The following PTGFRN variants were observed in gnomAD, a reference collection of about 807,000 sequenced individuals.
PTGFRN encodes prostaglandin F2 receptor inhibitor.
Under a neutral mutation model 83.2 loss-of-function variants are expected in PTGFRN, and 35 were observed. That is an observed-to-expected ratio of 0.42 (90% CI 0.32 to 0.56). The LOEUF is 0.56. PTGFRN is among the 20% of genes least tolerant of loss of function. The pLI is 0.11. For missense variants in PTGFRN, 1,051 were observed against 1,179.5 expected, an observed-to-expected ratio of 0.89 and a Z score of 1.60; for synonymous variants, 519 against 498.6, an observed-to-expected ratio of 1.04 and a Z score of -0.55.
intron 4 of PTGFRN, among the ~76,000 whole-genome samples, chr1:116,951,438 AG>A (rs1241757067): frequency 6.6e-6 from 1 of 152,248 alleles, no homozygotes; most frequent in Non-Finnish European, 1.5e-5. Context: ...TAACAGATAC[AG>A]AACCTGCACC....
chr1:116,929,370 A>G (rs1164781849), intron 1 of PTGFRN, among the ~76,000 whole-genome samples: 1 of 152,102 alleles, frequency 6.6e-6, no homozygotes, highest in African/African-American at 2.4e-5. Flanking sequence ...GCCCCATATA[A>G]TCTGTCTTTC....
In PTGFRN at chr1:116,989,114, C is replaced by T. The variant is rs949585477; in HGVS notation, c.*2147C>T. 2.6e-5 allele frequency: 4 copies of T among 152,192 alleles called. No individual in the cohort carries two copies. Among genetic ancestry groups the T allele is most frequent in the African/African-American group, 9.6e-5 (4 of 41,452 alleles). 9.4% of individuals were successfully genotyped at this position (152,192 alleles called of 1,614,324 possible). A position where few individuals can be genotyped will look rare whatever the true frequency, so the allele number is the denominator to read the frequency against. On this transcript the variant is annotated 3_prime_UTR_variant, in exon 9 of 9. Transcript: ENST00000393203. ...CCCTTCTTAGTAGGAAGAAAGGGTG[C>T]TTAGCTTTGGACCTGACCGGGTGTG...
At chr1:116,911,321 C>T (rs2491116) in intron 1 of PTGFRN, among the ~76,000 whole-genome samples, 8,502 of 152,186 alleles carry the variant, frequency 0.056, 740 homozygotes, top group African/African-American at 0.19. Context: ...GTGCGGTGTC[C>T]GTGCCATTCA....
chr1:116,974,446 T>C (rs1203556749), intron 7 of PTGFRN, 123 bp downstream of exon 7: 1 of 730,762 alleles, frequency 1.4e-6, no homozygotes, highest in Non-Finnish European at 2.3e-6. Context: ...CCTAACTGCC[T>C]GGCCCAGTAC....
chr1:116,986,198 T>C (rs998111383), intron 8 of PTGFRN, among the ~76,000 whole-genome samples: 8 of 152,102 alleles, frequency 5.3e-5, no homozygotes, highest in Non-Finnish European at 1.0e-4. Flanking sequence ...TGGGTACTTA[T>C]GGGGAAAGGA....
chr1:116,967,402 T>G, intron 6 of PTGFRN, 72 bp downstream of exon 6: 1 of 1,453,810 alleles, frequency 6.9e-7, no homozygotes, highest in Non-Finnish European at 9.3e-7. Flanking sequence ...GATGCCCTCA[T>G]TTTTTAAAAC....
chr1:116,945,617 T>C (rs1650177392), intron 3 of PTGFRN, among the ~76,000 whole-genome samples: 1 of 152,160 alleles, frequency 6.6e-6, no homozygotes, highest in Non-Finnish European at 1.5e-5. Context: ...AGATGTGCTT[T>C]TCCTGGAAGG....
chr1:116,973,016 C>T (rs1376278837), intron 6 of PTGFRN, among the ~76,000 whole-genome samples: 1 of 151,956 alleles, frequency 6.6e-6, no homozygotes, highest in African/African-American at 2.4e-5. Context: ...CCCAACTTCC[C>T]AGGCTCAAGC....
rs1301922589 is a variant in PTGFRN at position 116,961,972 on chromosome 1, C to T, written c.1639+304C>T. Among the ~76,000 whole-genome samples, 1 of 152,172 alleles carries T rather than the reference C, an allele frequency of 6.6e-6. No homozygotes were observed. The highest frequency in any genetic ancestry group is 1.5e-5 in the Non-Finnish European group (1 of 68,042). ...GCATTAAACATGGTGACTCTGAGGA[C>T]ACTCTTTCCCCTGGAGAAACCGTTA... On this transcript the variant is annotated intron_variant, in intron 5 of 8. Transcript: ENST00000393203. The surrounding 1 kb of genome is among the most constrained non-coding windows in gnomAD (Gnocchi z 5.4).
chr1:116,986,975 C>T lies in PTGFRN; in HGVS notation c.*8C>T, dbSNP rs373026059. 4.4e-5 allele frequency: 71 copies of T among 1,613,848 alleles called. No homozygotes were observed. Among genetic ancestry groups the T allele is most frequent in the Middle Eastern group, 1.6e-4 (1 of 6,084 alleles). On this transcript the variant is annotated 3_prime_UTR_variant, in exon 9 of 9. Transcript: ENST00000393203. Reference sequence around the variant, plus strand: ...TCGATGGAGATGGACTAGGCTGGCCCGGGAGGGGAGTGACAGAGGGACGTT... The same window carrying T: ...TCGATGGAGATGGACTAGGCTGGCCTGGGAGGGGAGTGACAGAGGGACGTT...
chr1:116,961,136 G>C lies in PTGFRN; in HGVS notation c.1214-107G>C. On this transcript the variant is annotated intron_variant, in intron 4 of 8. Transcript: ENST00000393203. This position sits in a 1 kb window ranked among gnomAD's most constrained non-coding sequence, Gnocchi z 5.4. The stretch of plus-strand genomic sequence containing the variant: ...CTGTCTCTCTAGTCCGGCAGGAGAA[G>C]CATTTAATTGTTAAAACAAGAGCAG... 8.5e-7 allele frequency: 1 copy of C among 1,174,176 alleles called. No homozygotes were observed. The highest frequency in any genetic ancestry group is 1.1e-6 in the Non-Finnish European group (1 of 869,590). The allele number at this position is 1,174,176 out of a possible 1,614,324, so 72.7% of individuals were successfully genotyped here.
chr1:116,971,009 C>T (rs1051452988), intron 6 of PTGFRN, among the ~76,000 whole-genome samples: 9 of 151,968 alleles, frequency 5.9e-5, no homozygotes, highest in African/African-American at 9.7e-5. Flanking sequence ...TTTTTTTCTT[C>T]GTAATATATA....
Position 116,949,344 on chromosome 1 carries a change from C to T in PTGFRN, c.985C>T (p.Arg329Cys), listed in dbSNP as rs753079605. 1.7e-5 allele frequency: 27 copies of T among 1,614,152 alleles called. No individual in the cohort carries two copies. The highest frequency in any genetic ancestry group is 7.7e-5 in the South Asian group (7 of 91,092). Reference protein sequence around the residue: ...RMPDSTLPGSRVLARLDRDSL... With the variant: ...RMPDSTLPGSCVLARLDRDSL... ...GCCTGACAGCACCCTACCTGGCTCC[C>T]GCGTGTTGGCGCGGCTTGACCGTGA... The change falls in exon 4 of 9, where the codon CGC becomes TGC. Residue 329 changes from arginine (R) to cysteine (C), a missense_variant. Coordinates refer to ENST00000393203, the MANE Select transcript of PTGFRN (RefSeq NM_020440.4).
intron 1 of PTGFRN, among the ~76,000 whole-genome samples, chr1:116,924,398 G>C (rs534272775): frequency 2.1e-4 from 32 of 152,248 alleles, no homozygotes; most frequent in Admixed American, 2.0e-3. Context: ...ACCTGCCTCA[G>C]CCTCCCAAAG....
At chr1:116,943,367 C>A (rs1283126187) in intron 2 of PTGFRN, among the ~76,000 whole-genome samples, 2 of 152,228 alleles carry the variant, frequency 1.3e-5, no homozygotes, top group Non-Finnish European at 2.9e-5. Flanking sequence ...CCCTTGTATC[C>A]CCTTGGAGTC....
chr1:116,966,801 GT>G, intron 5 of PTGFRN, 109 bp from the exon 6 acceptor site: 2 of 1,212,654 alleles, frequency 1.6e-6, no homozygotes, highest in Admixed American at 2.8e-5. Flanking sequence ...AGGTGCTTTT[GT>G]GTGGCAATTT....
intron 5 of PTGFRN, among the ~76,000 whole-genome samples, chr1:116,964,099 G>C (rs1207210266): frequency 6.6e-6 from 1 of 151,794 alleles, no homozygotes; most frequent in Non-Finnish European, 1.5e-5. Context: ...TTTTATGCTA[G>C]TCTTGATCTT....
intron 3 of PTGFRN, among the ~76,000 whole-genome samples, chr1:116,945,636 C>T (rs748847807): frequency 6.6e-6 from 1 of 151,980 alleles, no homozygotes; most frequent in Non-Finnish European, 1.5e-5. Flanking sequence ...GGGGGAGGAG[C>T]TCTCTAGGGC....
chr1:116,934,782 A>C (rs940596379), intron 1 of PTGFRN, among the ~76,000 whole-genome samples: 1 of 152,210 alleles, frequency 6.6e-6, no homozygotes, highest in African/African-American at 2.4e-5. Flanking sequence ...GTATGATGTC[A>C]TCTTCTATCT....
Sources: allele counts gnomAD v4.1 joint callset (sites outside exome capture counted in the v4.1 genomes callset), GRCh38; gene constraint gnomAD v4.1.1; non-coding constraint Gnocchi (gnomAD v3.1); transcripts MANE v1.5; gene names NCBI Gene and HGNC (gene_info 2026-07-23, HGNC 2026-07-21).